The following MTERF4 variants were observed in gnomAD, a reference collection of about 807,000 sequenced individuals.
MTERF4 encodes transcription termination factor 4, mitochondrial.
In MTERF4, 17 loss-of-function variants were observed where a neutral mutation model predicts 22.5. That is an observed-to-expected ratio of 0.75 (90% CI 0.52 to 1.13). MTERF4 has a LOEUF of 1.13. Ranked by LOEUF, MTERF4 falls within the 50% of genes most tolerant of loss-of-function variation. The pLI, the probability that MTERF4 is intolerant of heterozygous loss-of-function variation, is 0.00. For missense variants in MTERF4, 420 were observed against 466.8 expected, an observed-to-expected ratio of 0.90 and a Z score of 0.92; for synonymous variants, 165 against 175.3, an observed-to-expected ratio of 0.94 and a Z score of 0.47.
At chr2:241,065,166 C>CAAAG in the MTERF4 span, 1 of 974,036 alleles carries the variant, frequency 1.0e-6, no homozygotes, top group East Asian at 2.6e-5. Flanking sequence ...TGGCCAGGGA[C>CAAAG]AAAGAAGGAC....
At chr2:241,067,656 C>A, downstream of MTERF4, 1 of 860,106 alleles carries the variant, frequency 1.2e-6, no homozygotes, top group Non-Finnish European at 1.8e-6. Flanking sequence ...TCTCCAGTGC[C>A]TCTCTGTGGC....
At chr2:241,077,248 C>T (rs957020595) in intron 4 of MTERF4, among the ~76,000 whole-genome samples, 1 of 152,128 alleles carries the variant, frequency 6.6e-6, no homozygotes, top group Admixed American at 6.6e-5. Context: ...GCCCTCGTAC[C>T]ATATACCTCA....
Position 241,073,350 on chromosome 2 carries a change from G to A in MTERF4, n.2812C>T, listed in dbSNP as rs2125253783. ...GCCCTCCAGCTCCCTGAACACGGCA[G>A]CAAGGACATCGGAAGTGAGTCAGCA... is the stretch of plus-strand genomic sequence containing the variant. On this transcript the variant is annotated non_coding_transcript_exon_variant, in exon 5 of 5. Coordinates refer to the MTERF4 transcript ENST00000464344. This position sits in a 1 kb window ranked among gnomAD's most constrained non-coding sequence, Gnocchi z 6.6. 6.4e-7 allele frequency: 1 copy of A among 1,571,618 alleles called. No homozygotes were observed. Among genetic ancestry groups the A allele is most frequent in the Non-Finnish European group, 8.6e-7 (1 of 1,159,504 alleles).
intron 4 of MTERF4, chr2:241,081,686 G>T: frequency 6.2e-7 from 1 of 1,603,410 alleles, no homozygotes; most frequent in Non-Finnish European, 8.5e-7. Flanking sequence ...GACGTCCCTG[G>T]CAACTGTTCA....
At chr2:241,085,929 C>A (rs2063554111), downstream of MTERF4, among the ~76,000 whole-genome samples, 1 of 136,718 alleles carries the variant, frequency 7.3e-6, no homozygotes. Flanking sequence ...TGCAGTGGAG[C>A]GATCTCAGCT....
chr2:241,070,334 G>A, downstream of MTERF4: 2 of 970,184 alleles, frequency 2.1e-6, no homozygotes, highest in Non-Finnish European at 1.5e-6. Flanking sequence ...TGTTAGCAGG[G>A]GAGGAGTCTG....
the MTERF4 span, chr2:241,064,942 G>A: frequency 9.6e-5 from 152 of 1,586,002 alleles, 1 homozygote; most frequent in Admixed American, 5.8e-4. This position sits in a 1 kb window ranked among gnomAD's most constrained non-coding sequence, Gnocchi z 7.0. Flanking sequence ...CTACACGGGC[G>A]AGGACTGCGC....
downstream of MTERF4, chr2:241,088,369 CAAAG>C: frequency 1.9e-6 from 3 of 1,609,388 alleles, no homozygotes; most frequent in Non-Finnish European, 2.6e-6. Flanking sequence ...TTTCAGGAAA[CAAAG>C]TAAGAGTCAG....
chr2:241,090,089 T>C (rs2063826776), downstream of MTERF4: 1 of 1,508,048 alleles, frequency 6.6e-7, no homozygotes, highest in Non-Finnish European at 8.9e-7. Flanking sequence ...TTTTTTACTT[T>C]ATACATTTTT....
At chr2:241,087,411 G>A (rs1459139051), downstream of MTERF4, 1 of 1,602,462 alleles carries the variant, frequency 6.2e-7, no homozygotes, top group Non-Finnish European at 8.5e-7. Flanking sequence ...AGTCTACCGA[G>A]TTCACCAAGA....
At chr2:241,071,743 C>T, downstream of MTERF4, 1 of 1,537,762 alleles carries the variant, frequency 6.5e-7, no homozygotes, top group Admixed American at 1.9e-5. Context: ...CCCATCGGCC[C>T]CATCGCCCGA....
At chr2:241,049,276 TC>T in the MTERF4 span, 102 of 633,194 alleles carry the variant, frequency 1.6e-4, 2 homozygotes, top group South Asian at 1.9e-3. Flanking sequence ...GAAGCCTCTC[TC>T]AATAGCCTTC....
chr2:241,073,437 G>C lies in MTERF4; in HGVS notation n.2725C>G. On this transcript the variant is annotated non_coding_transcript_exon_variant, in exon 5 of 5. Coordinates refer to the MTERF4 transcript ENST00000464344. This position sits in a 1 kb window ranked among gnomAD's most constrained non-coding sequence, Gnocchi z 6.6. ...CAGGGGCCTTAGAGGCTGCAGGCAG[G>C]AGGGACCACCCACGGTGAGGAATCA... 8.0e-7 allele frequency: 1 copy of C among 1,246,708 alleles called. No individual in the cohort carries two copies. The highest frequency in any genetic ancestry group is 1.1e-6 in the Non-Finnish European group (1 of 869,570). 77.2% of individuals were successfully genotyped at this position (1,246,708 alleles called of 1,614,324 possible).
chr2:241,047,856 G>A, the MTERF4 span, among the ~76,000 whole-genome samples: 18 of 152,018 alleles, frequency 1.2e-4, no homozygotes, highest in Non-Finnish European at 1.9e-4. Flanking sequence ...GTCCAATCCC[G>A]GGTGGCTTCT....
At chr2:241,068,900 C>T, downstream of MTERF4, 1 of 1,537,246 alleles carries the variant, frequency 6.5e-7, no homozygotes, top group South Asian at 1.2e-5. This position sits in a 1 kb window ranked among gnomAD's most constrained non-coding sequence, Gnocchi z 5.3. Context: ...TTTGTCACCT[C>T]CTGCCCACAG....
chr2:241,066,376 G>A, the MTERF4 span, among the ~76,000 whole-genome samples: 6 of 152,198 alleles, frequency 3.9e-5, no homozygotes, highest in Non-Finnish European at 7.4e-5. Flanking sequence ...GGCAGTGGAC[G>A]GACAGGGGCA....
chr2:241,065,611 C>G, the MTERF4 span: 4 of 1,605,796 alleles, frequency 2.5e-6, no homozygotes, highest in Non-Finnish European at 3.4e-6. Context: ...TGTCCCCGAG[C>G]CTGGCCGTCC....
the MTERF4 span, chr2:241,063,650 C>A: frequency 6.2e-7 from 1 of 1,612,482 alleles, no homozygotes. Context: ...CTCCCAGGGG[C>A]CTATGTCTGC....
At position 241,096,809 on chromosome 2, in the gene MTERF4, C is replaced by CA. The variant is rs1439076197; in HGVS notation, c.706-372dup. 56 of 520,692 alleles carry CA rather than the reference C, an allele frequency of 1.1e-4. No individual in the cohort carries two copies. Among genetic ancestry groups the CA allele is most frequent in the South Asian group, 1.0e-4 (5 of 47,624 alleles). 32.3% of individuals were successfully genotyped at this position (520,692 alleles called of 1,614,324 possible). On this transcript the variant is annotated intron_variant, in intron 3 of 3. Transcript: ENST00000391980. This position sits in a 1 kb window ranked among gnomAD's most constrained non-coding sequence, Gnocchi z 5.1. ...CGACCTAAGTTGTCATAATTATTACCAAAAAATCGGACAACTGTTAAAATT... is the reference window on the plus strand; with the variant it reads ...CGACCTAAGTTGTCATAATTATTACCAAAAAAATCGGACAACTGTTAAAATT...
Sources: allele counts gnomAD v4.1 joint callset (sites outside exome capture counted in the v4.1 genomes callset), GRCh38; gene constraint gnomAD v4.1.1; non-coding constraint Gnocchi (gnomAD v3.1); transcripts MANE v1.5; gene names NCBI Gene and HGNC (gene_info 2026-07-23, HGNC 2026-07-21).